Variants in GALNT13 observed in about 807,000 individuals in gnomAD.
GALNT13 encodes the protein UDP-GalNAc:polypeptide N-acetylgalactosaminyltransferase 13.
In GALNT13, 28 loss-of-function variants were observed where a neutral mutation model predicts 64.2. The ratio of observed to expected loss-of-function variants is 0.44; its 90% CI spans 0.32 to 0.60. GALNT13 has a LOEUF of 0.60. GALNT13 is among the 20% of genes least tolerant of loss of function. GALNT13 has a pLI of 0.05. For missense variants in GALNT13, 577 were observed against 669.8 expected, an observed-to-expected ratio of 0.86 and a Z score of 1.53; for synonymous variants, 214 against 224.6, an observed-to-expected ratio of 0.95 and a Z score of 0.42.
At chr2:153,491,326 C>G in the GALNT13 span, among the ~76,000 whole-genome samples, 1 of 151,738 alleles carries the variant, frequency 6.6e-6, no homozygotes. Context: ...TACTAAGAAA[C>G]ATAAAAGAAG....
At chr2:153,478,754 G>T in the GALNT13 span, 1 of 597,278 alleles carries the variant, frequency 1.7e-6, no homozygotes, top group East Asian at 3.0e-5. Flanking sequence ...GCAGCAGCTA[G>T]GCTCTTCTAA....
the GALNT13 span, among the ~76,000 whole-genome samples, chr2:153,089,440 G>A: frequency 1.3e-5 from 2 of 152,254 alleles, no homozygotes; most frequent in South Asian, 2.1e-4. Flanking sequence ...ATAACCTGAT[G>A]ACTATGTATG....
chr2:153,341,516 T>A, the GALNT13 span, among the ~76,000 whole-genome samples: 1 of 152,240 alleles, frequency 6.6e-6, no homozygotes, highest in African/African-American at 2.4e-5. Flanking sequence ...AGCATATCAA[T>A]GATTAGCCTT....
chr2:154,202,277 C>G (rs1573866872), intron 4 of GALNT13, among the ~76,000 whole-genome samples: 1 of 151,992 alleles, frequency 6.6e-6, no homozygotes, highest in Non-Finnish European at 1.5e-5. Flanking sequence ...AATATTTGAT[C>G]TAGATTTTGA....
the GALNT13 span, among the ~76,000 whole-genome samples, chr2:153,304,504 G>A: frequency 1.3e-5 from 2 of 152,142 alleles, no homozygotes; most frequent in African/African-American, 4.8e-5. Context: ...CCCACTGGGT[G>A]GGTATAAATA....
At chr2:154,200,002 A>G (rs1309206998) in intron 4 of GALNT13, among the ~76,000 whole-genome samples, 1 of 152,050 alleles carries the variant, frequency 6.6e-6, no homozygotes, top group Non-Finnish European at 1.5e-5. Flanking sequence ...TAGACTCCTC[A>G]GAAATCATAC....
the GALNT13 span, among the ~76,000 whole-genome samples, chr2:153,682,300 C>A: frequency 6.6e-6 from 1 of 151,690 alleles, no homozygotes; most frequent in African/African-American, 2.4e-5. Context: ...ATTTCGATTA[C>A]CCAGACGTCT....
At chr2:153,074,516 A>G in the GALNT13 span, among the ~76,000 whole-genome samples, 7 of 152,182 alleles carry the variant, frequency 4.6e-5, no homozygotes, top group Non-Finnish European at 1.0e-4. Flanking sequence ...GTAACCTGCT[A>G]TACTTCTAGG....
chr2:153,709,018 A>G, the GALNT13 span, among the ~76,000 whole-genome samples: 1 of 152,056 alleles, frequency 6.6e-6, no homozygotes, highest in Non-Finnish European at 1.5e-5. Flanking sequence ...TAAAACTTGA[A>G]CCTTTAAAGC....
chr2:154,302,596 G>GC (rs1174137573), intron 9 of GALNT13, among the ~76,000 whole-genome samples: 1 of 152,204 alleles, frequency 6.6e-6, no homozygotes, highest in Non-Finnish European at 1.5e-5. Context: ...AGTGAACCTG[G>GC]CCCAAGGCAC....
chr2:153,442,743 C>A, the GALNT13 span, among the ~76,000 whole-genome samples: 1 of 152,116 alleles, frequency 6.6e-6, no homozygotes, highest in East Asian at 1.9e-4. Context: ...GATGCCCTGC[C>A]CAGAGAGGAG....
the GALNT13 span, among the ~76,000 whole-genome samples, chr2:153,096,576 T>A: frequency 1.3e-5 from 2 of 152,198 alleles, no homozygotes; most frequent in Non-Finnish European, 2.9e-5. Context: ...AAAATTGTTA[T>A]ATCCACTTGT....
At chr2:153,255,948 G>T in the GALNT13 span, among the ~76,000 whole-genome samples, 1 of 152,030 alleles carries the variant, frequency 6.6e-6, no homozygotes, top group Non-Finnish European at 1.5e-5. Flanking sequence ...ATGTGTCTTG[G>T]AGTTGCTCTT....
At chr2:153,285,453 C>T in the GALNT13 span, among the ~76,000 whole-genome samples, 69 of 152,156 alleles carry the variant, frequency 4.5e-4, no homozygotes, top group Admixed American at 2.2e-3. Flanking sequence ...AATGGAATTA[C>T]GTAGAAGGAA....
At chr2:154,401,384 A>G (rs1699296943) in intron 10 of GALNT13, among the ~76,000 whole-genome samples, 1 of 152,114 alleles carries the variant, frequency 6.6e-6, no homozygotes, top group East Asian at 1.9e-4. Context: ...AGAAAGCCTT[A>G]TTTTAGGTGA....
At chr2:153,217,832 A>G in the GALNT13 span, among the ~76,000 whole-genome samples, 1 of 152,026 alleles carries the variant, frequency 6.6e-6, no homozygotes, top group African/African-American at 2.4e-5. Context: ...ACCTTTTCAC[A>G]TTGTGTATAT....
the GALNT13 span, among the ~76,000 whole-genome samples, chr2:153,526,134 C>G: frequency 2.0e-5 from 3 of 152,242 alleles, no homozygotes; most frequent in Non-Finnish European, 2.9e-5. Context: ...AGCTCATCAC[C>G]CTGAAGTGAA....
chr2:153,484,391 G>T, the GALNT13 span, among the ~76,000 whole-genome samples: 1 of 151,920 alleles, frequency 6.6e-6, no homozygotes, highest in Non-Finnish European at 1.5e-5. Context: ...TATTGATCTC[G>T]AATATTGTTA....
In GALNT13 at chr2:154,073,880, C is replaced by T. The variant is rs377339617; in HGVS notation, c.143-66457C>T. Among the ~76,000 whole-genome samples, 20 of 151,878 alleles carry T rather than the reference C, an allele frequency of 1.3e-4. No individual in the cohort carries two copies. The East Asian group carries it at 2.7e-3, about 21-fold the overall frequency. On this transcript the variant is annotated intron_variant, in intron 3 of 12. Coordinates refer to ENST00000392825, the MANE Select transcript of GALNT13 (RefSeq NM_052917.4). ...AAAATAACATAACAAAAACAACATA[C>T]TATAGCAAATTGAATTCAAAGGCAG... is the stretch of plus-strand genomic sequence containing the variant.
Sources: allele counts gnomAD v4.1 joint callset (sites outside exome capture counted in the v4.1 genomes callset), GRCh38; gene constraint gnomAD v4.1.1; transcripts MANE v1.5; gene names NCBI Gene and HGNC (gene_info 2026-07-23, HGNC 2026-07-21).